TPTE2: variants seen among roughly 807,000 people sequenced by gnomAD.
TPTE2 encodes phosphatidylinositol 3,4,5-trisphosphate 3-phosphatase TPTE2.
In TPTE2, 53 loss-of-function variants were observed where a neutral mutation model predicts 78.6. That is an observed-to-expected ratio of 0.67 (90% CI 0.54 to 0.85). TPTE2 has a LOEUF of 0.85. Among genes scored for constraint, TPTE2 ranks in the 40% least tolerant of loss-of-function variants. The pLI, the probability that TPTE2 is intolerant of heterozygous loss-of-function variation, is 0.00. For missense variants in TPTE2, 461 were observed against 623.0 expected (o/e 0.74, Z 2.77); for synonymous variants, 175 against 206.2 (o/e 0.85, Z 1.30).
chr13:19,423,171 A>G lies in TPTE2; in HGVS notation c.1467-7T>C, dbSNP rs761236507. 1.9e-6 allele frequency: 3 copies of G among 1,596,928 alleles called. No homozygotes were observed. The African/African-American group carries it at 4.1e-5, about 22-fold the overall frequency. On this transcript the variant is annotated splice_polypyrimidine_tract_variant and splice_region_variant and intron_variant, in intron 19 of 19. Coordinates refer to ENST00000400230, the Ensembl canonical transcript of TPTE2. ...ATTTCTTGGTAGACAAAGCCTAAGA[A>G]TAGAAAAAAAAAATTACATTTTATA...
intron 5 of TPTE2, among the ~76,000 whole-genome samples, chr13:19,474,337 T>C (rs1483370207): frequency 2.0e-5 from 3 of 152,218 alleles, no homozygotes; most frequent in Admixed American, 1.3e-4. Flanking sequence ...TGGCCTTTTA[T>C]AGTAGACACA....
the TPTE2 span, among the ~76,000 whole-genome samples, chr13:19,544,770 C>A: frequency 1.3e-5 from 2 of 152,076 alleles, no homozygotes; most frequent in African/African-American, 2.4e-5. Context: ...TGGTGGCATG[C>A]GCCTGTCACC....
chr13:19,518,364 T>A (rs1017824791), intron 1 of TPTE2, among the ~76,000 whole-genome samples: 1 of 152,226 alleles, frequency 6.6e-6, no homozygotes, highest in African/African-American at 2.4e-5. Context: ...CAATTTATTA[T>A]GTGTCAATTA....
exon 20 of TPTE2, chr13:19,423,017 G>A: frequency 6.2e-7 from 1 of 1,602,054 alleles, no homozygotes; most frequent in Non-Finnish European, 8.5e-7. Flanking sequence ...AGAAGGGGAA[G>A]GGGGAGCTAT....
At chr13:19,438,143 C>A (rs148526550) in exon 14 of TPTE2, 146 of 1,608,710 alleles carry the variant, frequency 9.1e-5, no homozygotes, top group Non-Finnish European at 1.2e-4. Flanking sequence ...AAACCATAGT[C>A]CCGGTTCTTC....
At chr13:19,496,952 C>T (rs111908412) in intron 1 of TPTE2, among the ~76,000 whole-genome samples, 77 of 152,142 alleles carry the variant, frequency 5.1e-4, no homozygotes, top group African/African-American at 1.6e-3. Flanking sequence ...GCACCGTGCG[C>T]GAGCCGAAGC....
upstream of TPTE2, among the ~76,000 whole-genome samples, chr13:19,505,000 T>C (rs980487870): frequency 6.6e-6 from 1 of 152,184 alleles, no homozygotes; most frequent in Non-Finnish European, 1.5e-5. Flanking sequence ...CAATTCTGTA[T>C]GCAGGCTAAA....
At chr13:19,424,239 T>G (rs1875835618) in intron 19 of TPTE2, among the ~76,000 whole-genome samples, 1 of 152,224 alleles carries the variant, frequency 6.6e-6, no homozygotes, top group Admixed American at 6.5e-5. Context: ...AGAGTATGGT[T>G]GATACAAAAA....
intron 1 of TPTE2, among the ~76,000 whole-genome samples, chr13:19,520,380 G>A (rs767142052): frequency 9.9e-5 from 15 of 151,932 alleles, no homozygotes; most frequent in Non-Finnish European, 1.3e-4. Context: ...TCACCACTAA[G>A]TTTAATGTTA....
intron 1 of TPTE2, among the ~76,000 whole-genome samples, chr13:19,533,270 T>G (rs1290835020): frequency 6.6e-6 from 1 of 152,172 alleles, no homozygotes; most frequent in Non-Finnish European, 1.5e-5. Context: ...AGCTATTAGG[T>G]GTAGGACTAA....
At chr13:19,539,629 A>G (rs1871381535), upstream of TPTE2, among the ~76,000 whole-genome samples, 1 of 152,192 alleles carries the variant, frequency 6.6e-6, no homozygotes, top group African/African-American at 2.4e-5. Flanking sequence ...AAATTTCCAT[A>G]TACTAATATT....
chr13:19,484,992 T>C (rs1280210079), intron 3 of TPTE2, among the ~76,000 whole-genome samples: 6 of 152,172 alleles, frequency 3.9e-5, no homozygotes, highest in African/African-American at 1.2e-4. Context: ...TTATTATTGG[T>C]AGGTGAGGAG....
rs1341680891 is a variant in TPTE2, at chr13:19,529,625, C to T, written c.-44+6971G>A. 2.0e-5 allele frequency among the ~76,000 whole-genome samples: 3 copies of T among 152,122 alleles called. No individual in the cohort carries two copies. In the East Asian group the frequency reaches 5.8e-4, roughly 29 times the overall value. ...AGCAGATATGTGGCATACCTGACTC[C>T]CTTCCCCTACTTTCTTCTCCTGATC... On this transcript the variant is annotated intron_variant, in intron 1 of 17. Coordinates refer to the TPTE2 transcript ENST00000390680.
chr13:19,463,936 G>A (rs754407042), intron 10 of TPTE2, among the ~76,000 whole-genome samples: 13 of 152,284 alleles, frequency 8.5e-5, no homozygotes, highest in Non-Finnish European at 1.8e-4. Flanking sequence ...TGGGCACCAG[G>A]TAGGCCAGTC....
chr13:19,525,416 C>T (rs887604677), intron 1 of TPTE2, among the ~76,000 whole-genome samples: 9 of 152,090 alleles, frequency 5.9e-5, no homozygotes, highest in South Asian at 4.1e-4. Context: ...ATCTGATCTT[C>T]GACAAAGCCA....
At chr13:19,539,910 C>A (rs1353724863), upstream of TPTE2, among the ~76,000 whole-genome samples, 3 of 152,202 alleles carry the variant, frequency 2.0e-5, no homozygotes, top group East Asian at 5.8e-4. Context: ...TTTGGGAAGC[C>A]AAAGTGGGTG....
chr13:19,521,982 T>C (rs1190412635), intron 1 of TPTE2, among the ~76,000 whole-genome samples: 39 of 152,204 alleles, frequency 2.6e-4, no homozygotes, highest in South Asian at 6.2e-4. Flanking sequence ...ATGACTCCCA[T>C]TAGTATTTCT....
upstream of TPTE2, among the ~76,000 whole-genome samples, chr13:19,504,936 C>T (rs1332294316): frequency 6.6e-6 from 1 of 151,992 alleles, no homozygotes; most frequent in Non-Finnish European, 1.5e-5. Flanking sequence ...TATTTGTGTA[C>T]ACATATTTTA....
intron 4 of TPTE2, among the ~76,000 whole-genome samples, chr13:19,477,202 T>C (rs1164341594): frequency 6.6e-6 from 1 of 151,532 alleles, no homozygotes; most frequent in African/African-American, 2.4e-5. Context: ...GACACTGGGG[T>C]CTACTTAAGT....
Sources: gnomAD v4.1 joint callset for allele counts (sites outside exome capture counted in the v4.1 genomes callset) on GRCh38, gnomAD v4.1.1 for gene constraint, MANE v1.5 for transcripts, NCBI Gene and HGNC (gene_info 2026-07-23, HGNC 2026-07-21) for gene names.